Variants in SH3D19 observed in about 807,000 individuals in gnomAD.
SH3D19 encodes SH3 domain-containing protein 19.
SH3D19 carries 58 observed loss-of-function variants against 112.1 expected under a neutral mutation model. The observed-to-expected ratio is 0.52, with a 90% CI of 0.42 to 0.64. SH3D19 has a LOEUF of 0.64. Among genes scored for constraint, SH3D19 ranks in the 30% least tolerant of loss-of-function variants. The pLI is 0.00. For missense variants in SH3D19, 1,090 were observed against 1,263.4 expected (o/e 0.86, Z 2.08); for synonymous variants, 391 against 448.5 (o/e 0.87, Z 1.62).
intron 9 of SH3D19, among the ~76,000 whole-genome samples, chr4:151,155,768 AG>A (rs1755987224): frequency 6.6e-6 from 1 of 152,176 alleles, no homozygotes; most frequent in Non-Finnish European, 1.5e-5. Context: ...GCGCACCTGT[AG>A]TCCCAGCTAC....
At chr4:151,163,200 TCAC>T (rs1757442788) in intron 8 of SH3D19, among the ~76,000 whole-genome samples, 1 of 152,174 alleles carries the variant, frequency 6.6e-6, no homozygotes, top group Non-Finnish European at 1.5e-5. Flanking sequence ...CCTCCAGACT[TCAC>T]CACATTTGCC....
At chr4:151,144,169 G>C in intron 11 of SH3D19, 119 bp from the exon 12 acceptor site, 1 of 1,593,828 alleles carries the variant, frequency 6.3e-7, no homozygotes, top group Non-Finnish European at 8.6e-7. Context: ...AGTAACAGAG[G>C]CCAGTAATTT....
chr4:151,267,109 AG>A (rs1297458997), intron 1 of SH3D19, among the ~76,000 whole-genome samples: 1 of 150,876 alleles, frequency 6.6e-6, no homozygotes, highest in African/African-American at 2.4e-5. Flanking sequence ...ATTTGAGGCC[AG>A]GAGTTTGCAA....
At chr4:151,195,271 C>T (rs1291022838) in intron 2 of SH3D19, among the ~76,000 whole-genome samples, 1 of 140,920 alleles carries the variant, frequency 7.1e-6, no homozygotes, top group African/African-American at 2.6e-5. Flanking sequence ...ACTCGGGAGG[C>T]TGAGGCAGGA....
chr4:151,153,147 A>T (rs889851885), intron 9 of SH3D19, among the ~76,000 whole-genome samples: 5 of 151,814 alleles, frequency 3.3e-5, no homozygotes, highest in Middle Eastern at 3.2e-3. Context: ...ATATTTTTTT[A>T]AAAAAACAGG....
At chr4:151,242,176 C>A (rs1041894074) in intron 1 of SH3D19, among the ~76,000 whole-genome samples, 1 of 151,966 alleles carries the variant, frequency 6.6e-6, no homozygotes, top group Non-Finnish European at 1.5e-5. Flanking sequence ...CAGAGTGAGA[C>A]CCTGTCTCAA....
chr4:151,287,724 G>A (rs1774950844), intron 1 of SH3D19, among the ~76,000 whole-genome samples: 2 of 152,032 alleles, frequency 1.3e-5, no homozygotes, highest in Non-Finnish European at 2.9e-5. Flanking sequence ...GTGAGACCTC[G>A]TTTCTACAAA....
At chr4:151,225,477 A>G (rs935395476) in intron 2 of SH3D19, among the ~76,000 whole-genome samples, 1 of 152,110 alleles carries the variant, frequency 6.6e-6, no homozygotes, top group African/African-American at 2.4e-5. Flanking sequence ...AAGTGATACA[A>G]CCTTCCTGGC....
At chr4:151,148,252 CT>C in intron 10 of SH3D19, 66 bp from the exon 11 acceptor site, 1 of 1,267,440 alleles carries the variant, frequency 7.9e-7, no homozygotes, top group Non-Finnish European at 1.1e-6. Context: ...CCTGTCCTGT[CT>C]TACACACACA....
chr4:151,194,419 G>GA (rs1025376196), intron 2 of SH3D19, among the ~76,000 whole-genome samples: 2 of 151,878 alleles, frequency 1.3e-5, no homozygotes, highest in African/African-American at 2.4e-5. Context: ...TAAATGCCAG[G>GA]AAAAAAATAA....
At chr4:151,224,771 T>C (rs1404214789) in intron 2 of SH3D19, among the ~76,000 whole-genome samples, 1 of 152,174 alleles carries the variant, frequency 6.6e-6, no homozygotes, top group Non-Finnish European at 1.5e-5. Context: ...AGTCTTGAAC[T>C]CCTGGGCTCA....
chr4:151,230,816 T>G (rs995642444), intron 1 of SH3D19, among the ~76,000 whole-genome samples: 13 of 152,004 alleles, frequency 8.6e-5, no homozygotes, highest in Non-Finnish European at 1.6e-4. Flanking sequence ...CCTGACCTCA[T>G]GATCCAGCCA....
At chr4:151,235,377 A>C (rs1561388436) in intron 1 of SH3D19, among the ~76,000 whole-genome samples, 1 of 152,248 alleles carries the variant, frequency 6.6e-6, no homozygotes, top group African/African-American at 2.4e-5. Flanking sequence ...AAAGTGACCT[A>C]ATAACAGATT....
At chr4:151,297,674 G>A (rs1212177832) in intron 1 of SH3D19, among the ~76,000 whole-genome samples, 2 of 152,190 alleles carry the variant, frequency 1.3e-5, no homozygotes, top group Non-Finnish European at 2.9e-5. Context: ...TAAATAAAAT[G>A]AGGAAGGCTA....
chr4:151,223,388 C>T (rs1161868245), intron 2 of SH3D19, among the ~76,000 whole-genome samples: 1 of 152,086 alleles, frequency 6.6e-6, no homozygotes, highest in East Asian at 1.9e-4. Flanking sequence ...ACTCAAATTA[C>T]CCCAAAATTT....
Position 151,296,034 on chromosome 4 carries a change from CA to C in SH3D19, c.112+29206del, listed in dbSNP as rs35741045. Among the ~76,000 whole-genome samples the C allele has an allele frequency of 5.0e-3, 628 of 125,034 alleles. 4 individuals are homozygous for C. Among genetic ancestry groups the C allele is most frequent in the African/African-American group, 0.015 (429 of 28,054 alleles). The allele number at this position is 125,034 out of a possible 152,430, so 82.0% of individuals were successfully genotyped here. A position where few individuals can be genotyped will look rare whatever the true frequency, so the allele number is the denominator to read the frequency against. On this transcript the variant is annotated intron_variant, in intron 1 of 19. Transcript: ENST00000604030. Reference sequence around the variant, plus strand: ...CTGGCGACAGAGCAAGGCTCCGTCTCAAAAAAAAAAAAAGAAAGAAAGAAAG... The same window carrying C: ...CTGGCGACAGAGCAAGGCTCCGTCTCAAAAAAAAAAAAGAAAGAAAGAAAG...
At chr4:151,314,453 C>G (rs1213761529) in intron 1 of SH3D19, among the ~76,000 whole-genome samples, 1 of 152,196 alleles carries the variant, frequency 6.6e-6, no homozygotes, top group Non-Finnish European at 1.5e-5. Flanking sequence ...TGAATAATTC[C>G]TATTCCAAAG....
chr4:151,274,928 T>C (rs532903568), intron 1 of SH3D19, among the ~76,000 whole-genome samples: 2 of 152,278 alleles, frequency 1.3e-5, no homozygotes, highest in East Asian at 1.9e-4. Flanking sequence ...TCTCCCTCTA[T>C]AGATGTCACG....
chr4:151,215,540 A>C (rs1238296654), intron 2 of SH3D19, among the ~76,000 whole-genome samples: 2 of 152,218 alleles, frequency 1.3e-5, no homozygotes, highest in African/African-American at 4.8e-5. Context: ...ACTGATTCTC[A>C]ATCCTCCTGT....
Sources: gnomAD v4.1 joint callset for allele counts (sites outside exome capture counted in the v4.1 genomes callset) on GRCh38, gnomAD v4.1.1 for gene constraint, MANE v1.5 for transcripts, NCBI Gene and HGNC (gene_info 2026-07-23, HGNC 2026-07-21) for gene names.